Variants in CLIP1 observed in about 807,000 individuals in gnomAD.
The protein encoded by CLIP1 is CAP-Gly domain-containing linker protein 1.
CLIP1 carries 66 observed loss-of-function variants against 161.6 expected under a neutral mutation model. That is an observed-to-expected ratio of 0.41 (90% confidence interval 0.33 to 0.50). The LOEUF (loss-of-function observed/expected upper bound fraction) is 0.50, where lower values mean the gene tolerates loss of function less well. CLIP1 is among the 20% of genes least tolerant of loss of function. The pLI is 0.27. For synonymous variants in CLIP1, 598 were observed against 626.2 expected (o/e 0.96, Z 0.67); for missense variants, 1,376 against 1,702.0 (o/e 0.81, Z 3.37).
At chr12:122,353,200 C>G (rs1430554662) in intron 7 of CLIP1, among the ~76,000 whole-genome samples, 1 of 152,038 alleles carries the variant, frequency 6.6e-6, no homozygotes, top group Non-Finnish European at 1.5e-5. Flanking sequence ...AAGAAATTAG[C>G]CAGGTGTGGC....
chr12:122,274,228 CATGAAGTTT>C, intron 24 of CLIP1, 66 bp from the exon 25 acceptor site: 2 of 1,427,900 alleles, frequency 1.4e-6, no homozygotes, highest in South Asian at 2.3e-5. Flanking sequence ...ATCAAGAAGT[CATGAAGTTT>C]ATACCTTTAA....
intron 15 of CLIP1, among the ~76,000 whole-genome samples, chr12:122,330,804 T>C (rs1037916923): frequency 2.0e-5 from 3 of 151,672 alleles, no homozygotes; most frequent in African/African-American, 7.3e-5. Flanking sequence ...GGTTTCACTA[T>C]GTTGGCCAGG....
rs375365088 is a variant in CLIP1, at chr12:122,292,623, T to C, written c.3595-4082A>G. Among the ~76,000 whole-genome samples, 10 of 152,342 alleles carry C rather than the reference T, an allele frequency of 6.6e-5. No individual in the cohort carries two copies. The South Asian group carries it at 1.7e-3, about 25-fold the overall frequency. On this transcript the variant is annotated intron_variant, in intron 20 of 25. Coordinates refer to ENST00000620786, the MANE Select transcript of CLIP1 (RefSeq NM_001247997.2). ...AAGCTCTAGGCATTAGTTGTGCTCA[T>C]TGGTACTGGGTTTTGTTACTTCTAA... is the stretch of plus-strand genomic sequence containing the variant.
chr12:122,364,704 C>T, intron 3 of CLIP1: 1 of 513,290 alleles, frequency 1.9e-6, no homozygotes, highest in Non-Finnish European at 3.8e-6. Context: ...CACTCTTGGA[C>T]CTCACTTTAT....
intron 5 of CLIP1, among the ~76,000 whole-genome samples, chr12:122,359,892 C>T (rs192019441): frequency 1.2e-4 from 19 of 152,274 alleles, no homozygotes; most frequent in Admixed American, 1.2e-3. Context: ...AGTCTGATGC[C>T]GCCATTTCTA....
At chr12:122,304,958 T>C (rs1258036854) in intron 20 of CLIP1, among the ~76,000 whole-genome samples, 5 of 152,244 alleles carry the variant, frequency 3.3e-5, no homozygotes, top group Non-Finnish European at 7.3e-5. Context: ...CAGGTGACTA[T>C]TCATGATCAA....
At chr12:122,403,499 G>T (rs11057993) in intron 1 of CLIP1, among the ~76,000 whole-genome samples, 4,421 of 72,182 alleles carry the variant, frequency 0.061, 493 homozygotes, top group African/African-American at 0.088. Flanking sequence ...TTCTTGTTTT[G>T]TTTTTTTTTT....
intron 21 of CLIP1, among the ~76,000 whole-genome samples, chr12:122,287,080 C>T (rs934324723): frequency 5.3e-5 from 8 of 151,948 alleles, no homozygotes; most frequent in African/African-American, 1.2e-4. Context: ...GCTGAGAGGT[C>T]GGAAGATCAA....
chr12:122,337,462 G>GAAAGAAAAGA (rs71082967), intron 11 of CLIP1, among the ~76,000 whole-genome samples: 2 of 143,946 alleles, frequency 1.4e-5, no homozygotes, highest in African/African-American at 5.2e-5. Flanking sequence ...AAAAAAAAAA[G>GAAAGAAAAGA]AAAGAAAAGA....
intron 17 of CLIP1, among the ~76,000 whole-genome samples, chr12:122,327,102 G>A (rs183932149): frequency 1.6e-4 from 24 of 152,188 alleles, no homozygotes; most frequent in African/African-American, 5.5e-4. Flanking sequence ...AGCAATAGAA[G>A]GTTAAACAGT....
intron 20 of CLIP1, among the ~76,000 whole-genome samples, chr12:122,293,403 G>A (rs1045633186): frequency 6.6e-6 from 1 of 151,948 alleles, no homozygotes; most frequent in Admixed American, 6.6e-5. Context: ...GAAGTATGTG[G>A]GATAACCGGA....
At chr12:122,416,151 C>T (rs957941941) in intron 1 of CLIP1, among the ~76,000 whole-genome samples, 9 of 148,204 alleles carry the variant, frequency 6.1e-5, no homozygotes, top group African/African-American at 1.7e-4. Flanking sequence ...GGCAGAGAAT[C>T]GCTTGAACCC....
At chr12:122,413,961 C>A (rs755730509) in intron 1 of CLIP1, among the ~76,000 whole-genome samples, 3 of 152,042 alleles carry the variant, frequency 2.0e-5, no homozygotes, top group Non-Finnish European at 4.4e-5. Context: ...GATGTCCTAG[C>A]CAAATTCAAG....
chr12:122,390,727 G>C (rs1955619062), intron 1 of CLIP1, among the ~76,000 whole-genome samples: 1 of 150,900 alleles, frequency 6.6e-6, no homozygotes, highest in African/African-American at 2.4e-5. Context: ...ACCACGGCTA[G>C]ACCATTTTTT....
At chr12:122,294,223 G>C (rs542613502) in intron 20 of CLIP1, among the ~76,000 whole-genome samples, 2 of 151,072 alleles carry the variant, frequency 1.3e-5, no homozygotes, top group African/African-American at 4.9e-5. Flanking sequence ...CAGCTACTTG[G>C]GAGGCTGAGG....
rs749284221 is a variant in CLIP1, at chr12:122,360,928, G to T, written c.1005+31C>A. 2.2e-5 allele frequency: 35 copies of T among 1,559,694 alleles called. No homozygotes were observed. The Admixed American group carries it at 6.2e-4, about 28-fold the overall frequency. Reference sequence around the variant, plus strand: ...CACGGGCCTTAATCCTGCCTGGGAAGTGGAGGCAGGTAGTGAGAAAGGGGC... The same window carrying T: ...CACGGGCCTTAATCCTGCCTGGGAATTGGAGGCAGGTAGTGAGAAAGGGGC... On this transcript the variant is annotated intron_variant, in intron 5 of 25. Coordinates refer to ENST00000620786, the MANE Select transcript of CLIP1 (RefSeq NM_001247997.2).
chr12:122,414,059 C>T (rs1382980181), intron 1 of CLIP1, among the ~76,000 whole-genome samples: 1 of 152,076 alleles, frequency 6.6e-6, no homozygotes, highest in East Asian at 1.9e-4. Context: ...GTCACTCTTC[C>T]TTGAAATTGT....
chr12:122,340,591 C>T (rs2136334832), intron 11 of CLIP1, among the ~76,000 whole-genome samples, 162 bp downstream of exon 11: 1 of 152,274 alleles, frequency 6.6e-6, no homozygotes, highest in African/African-American at 2.4e-5. Context: ...TGAAACCATA[C>T]TTGAGATACT....
Position 122,316,834 on chromosome 12 carries a change from T to G in CLIP1, c.3388A>C (p.Asn1130His). The G allele has an allele frequency of 6.3e-7, 1 of 1,587,184 alleles. No homozygotes were observed. Among genetic ancestry groups the G allele is most frequent in the African/African-American group, 1.4e-5 (1 of 73,994 alleles). Residue 1130 changes from asparagine to histidine, a missense_variant, in exon 19 of 26, where the codon AAC (asparagine) becomes CAC (histidine). Coordinates refer to ENST00000620786, the MANE Select transcript of CLIP1 (RefSeq NM_001247997.2). Reference protein sequence around the residue: ...QNELDTLKENNLKNVEELNKS... With the variant: ...QNELDTLKENHLKNVEELNKS... ...TTCAGCTCTTCCACATTTTTCAAGT[T>G]GTTTTCTTTAAGTGTGTCCAACTTA...
Sources: gnomAD v4.1 joint callset for allele counts (sites outside exome capture counted in the v4.1 genomes callset) on GRCh38, gnomAD v4.1.1 for gene constraint, MANE v1.5 for transcripts, NCBI Gene and HGNC (gene_info 2026-07-23, HGNC 2026-07-21) for gene names.